Variants in GOLPH3 observed in about 807,000 individuals in gnomAD.
GOLPH3 encodes the protein golgi phosphoprotein 3.
In GOLPH3, 14 loss-of-function variants were observed where a neutral mutation model predicts 28.5. That is an observed-to-expected ratio of 0.49 (90% confidence interval 0.32 to 0.77). The LOEUF is 0.77. Among genes scored for constraint, GOLPH3 ranks in the 30% least tolerant of loss-of-function variants. The probability of loss-of-function intolerance (pLI) is 0.03; values close to 1 mark genes in which losing one functional copy is unlikely to be tolerated. For synonymous variants in GOLPH3, 158 were observed against 159.2 expected (o/e 0.99, Z 0.06); for missense variants, 350 against 393.7 (o/e 0.89, Z 0.94).
intron 1 of GOLPH3, among the ~76,000 whole-genome samples, chr5:32,148,486 G>A (rs1236586213): frequency 6.6e-6 from 1 of 152,126 alleles, no homozygotes; most frequent in African/African-American, 2.4e-5. Context: ...CCAATGTTTT[G>A]GAAATGGCTT....
intron 1 of GOLPH3, among the ~76,000 whole-genome samples, chr5:32,151,200 T>C (rs1399570980): frequency 6.6e-6 from 1 of 151,378 alleles, no homozygotes; most frequent in African/African-American, 2.4e-5. Flanking sequence ...ATACAATTAG[T>C]TCCTAAAAAT....
intron 1 of GOLPH3, among the ~76,000 whole-genome samples, chr5:32,150,759 G>T (rs910257261): frequency 7.9e-5 from 12 of 151,998 alleles, no homozygotes; most frequent in Non-Finnish European, 1.2e-4. Context: ...CATTTTCTTT[G>T]ATTCTCACGC....
intron 1 of GOLPH3, among the ~76,000 whole-genome samples, chr5:32,157,752 G>A (rs1746462449): frequency 6.6e-6 from 1 of 152,074 alleles, no homozygotes; most frequent in Non-Finnish European, 1.5e-5. Flanking sequence ...TAAGGCGGGT[G>A]GATCACTTAA....
intron 3 of GOLPH3, among the ~76,000 whole-genome samples, chr5:32,129,429 T>C (rs1745775563): frequency 6.6e-6 from 1 of 152,234 alleles, no homozygotes; most frequent in South Asian, 2.1e-4. Context: ...GCAGAATTTA[T>C]AGTATTTATA....
intron 2 of GOLPH3, among the ~76,000 whole-genome samples, chr5:32,142,728 G>A (rs1225239826): frequency 6.2e-5 from 9 of 144,422 alleles, no homozygotes; most frequent in African/African-American, 7.9e-5. Flanking sequence ...CTGGCCAGCC[G>A]CCCCGTCCGG....
At chr5:32,161,300 G>A (rs1352714573) in intron 1 of GOLPH3, among the ~76,000 whole-genome samples, 1 of 150,226 alleles carries the variant, frequency 6.7e-6, no homozygotes, top group Admixed American at 6.6e-5. Context: ...CTACTTGGAA[G>A]GCTGAGGTGG....
chr5:32,171,777 G>C (rs1746842919), intron 1 of GOLPH3, among the ~76,000 whole-genome samples: 1 of 151,788 alleles, frequency 6.6e-6, no homozygotes, highest in Non-Finnish European at 1.5e-5. Flanking sequence ...GTGAAACCCC[G>C]TCTCTACTAA....
chr5:32,147,169 A>G (rs1251305929), intron 1 of GOLPH3, among the ~76,000 whole-genome samples: 1 of 152,074 alleles, frequency 6.6e-6, no homozygotes, highest in Non-Finnish European at 1.5e-5. Context: ...GCACAAAAAT[A>G]TATGTACAAA....
rs1745658187 is a variant in GOLPH3 at position 32,125,550 on chromosome 5, C to CA, written c.*661dup. ...AAGAAGGGGTAATTTATATATAATT[C>CA]AAACTATATACAGCATAAATGGAAT... On this transcript the variant is annotated 3_prime_UTR_variant, in exon 4 of 4. Coordinates refer to ENST00000265070, the MANE Select transcript of GOLPH3 (RefSeq NM_022130.4). The CA allele has an allele frequency of 6.6e-6, 1 of 152,588 alleles. No individual in the cohort carries two copies. The highest frequency in any genetic ancestry group is 2.4e-5 in the African/African-American group (1 of 41,432). The allele number at this position is 152,588 out of a possible 1,614,324, so 9.5% of individuals were successfully genotyped here. A position where few individuals can be genotyped will look rare whatever the true frequency, so the allele number is the denominator to read the frequency against.
In GOLPH3 at chr5:32,163,710, G is replaced by A. The variant is rs973896429; in HGVS notation, c.225+10100C>T. Among the ~76,000 whole-genome samples, 5 of 152,042 alleles carry A rather than the reference G, an allele frequency of 3.3e-5. 1 individual carries two copies. Among genetic ancestry groups the A allele is most frequent in the Admixed American group, 1.3e-4 (2 of 15,252 alleles). On this transcript the variant is annotated intron_variant, in intron 1 of 3. Transcript: ENST00000265070. Reference sequence around the variant, plus strand: ...CTTTGTAACCCCAGCATCTGGCAAAGGGAATGAATGGCACAGAGAAGCTGT... The same window carrying A: ...CTTTGTAACCCCAGCATCTGGCAAAAGGAATGAATGGCACAGAGAAGCTGT...
chr5:32,129,305 C>T (rs925927285), intron 3 of GOLPH3, among the ~76,000 whole-genome samples: 3 of 152,184 alleles, frequency 2.0e-5, no homozygotes, highest in African/African-American at 4.8e-5. Context: ...ATTTATCAAG[C>T]TCATAGGGCT....
At chr5:32,129,732 G>A (rs1277622034) in intron 3 of GOLPH3, among the ~76,000 whole-genome samples, 5 of 152,118 alleles carry the variant, frequency 3.3e-5, no homozygotes, top group African/African-American at 4.8e-5. Context: ...CACATCCTAC[G>A]AAAGGGAGAG....
intron 1 of GOLPH3, among the ~76,000 whole-genome samples, chr5:32,155,610 T>C (rs1425216289): frequency 6.6e-6 from 1 of 152,166 alleles, no homozygotes; most frequent in Non-Finnish European, 1.5e-5. Flanking sequence ...ATTTTTTTAA[T>C]TAGCAAAAGA....
intron 1 of GOLPH3, among the ~76,000 whole-genome samples, chr5:32,164,824 TTAAG>T (rs1486211353): frequency 3.3e-5 from 5 of 152,192 alleles, no homozygotes; most frequent in Admixed American, 6.5e-5. Flanking sequence ...AGTAAATGTA[TTAAG>T]TAAATTTATT....
At chr5:32,169,740 G>A (rs1011464104) in intron 1 of GOLPH3, among the ~76,000 whole-genome samples, 4 of 151,952 alleles carry the variant, frequency 2.6e-5, no homozygotes, top group Non-Finnish European at 4.4e-5. Flanking sequence ...TCAAACACTG[G>A]GTCAATTAAA....
intron 3 of GOLPH3, among the ~76,000 whole-genome samples, chr5:32,132,296 T>C (rs966450843): frequency 2.0e-5 from 3 of 152,176 alleles, no homozygotes; most frequent in African/African-American, 4.8e-5. Flanking sequence ...AATAATAAAA[T>C]GAGCCCCTGG....
At chr5:32,165,705 T>C (rs751957542) in intron 1 of GOLPH3, among the ~76,000 whole-genome samples, 1 of 152,216 alleles carries the variant, frequency 6.6e-6, no homozygotes, top group African/African-American at 2.4e-5. Context: ...TTCAGTGAAT[T>C]TGTACTTAGT....
chr5:32,163,281 A>G (rs1305080432), intron 1 of GOLPH3, among the ~76,000 whole-genome samples: 1 of 152,244 alleles, frequency 6.6e-6, no homozygotes, highest in African/African-American at 2.4e-5. Context: ...AAAAGTTAGT[A>G]ACTCAGAAGA....
intron 2 of GOLPH3, among the ~76,000 whole-genome samples, chr5:32,137,946 C>T (rs1334264298): frequency 2.0e-5 from 3 of 150,464 alleles, no homozygotes; most frequent in Non-Finnish European, 4.4e-5. Context: ...CTCTGTTGCC[C>T]AGCCTAGAGT....
Sources: gnomAD v4.1 joint callset for allele counts (sites outside exome capture counted in the v4.1 genomes callset) on GRCh38, gnomAD v4.1.1 for gene constraint, MANE v1.5 for transcripts, NCBI Gene and HGNC (gene_info 2026-07-23, HGNC 2026-07-21) for gene names.